Variants in SOCS3 observed in about 807,000 individuals in gnomAD.
SOCS3 encodes the protein suppressor of cytokine signaling 3.
In SOCS3, 5 loss-of-function variants were observed where a neutral mutation model predicts 11.7. The observed-to-expected ratio is 0.43, with a 90% CI of 0.22 to 0.90. The LOEUF is 0.90. SOCS3 is among the 40% of genes least tolerant of loss of function. The pLI is 0.27. For missense variants in SOCS3, 203 were observed against 302.0 expected (o/e 0.67, Z 2.43); for synonymous variants, 143 against 136.3 (o/e 1.05, Z -0.34).
rs149892338 is a variant in SOCS3 at position 78,358,514 on chromosome 17, C to T, written c.582G>A (p.Arg194=). 803 of 1,613,444 alleles carry T rather than the reference C, an allele frequency of 5.0e-4. 5 individuals are homozygous for T. The highest frequency in any genetic ancestry group is 2.9e-4 in the South Asian group (26 of 91,062). The change falls in exon 2 of 2, where the codon CGG becomes CGA. Residue 194 remains arginine, a synonymous_variant. Transcript: ENST00000330871. The surrounding 1 kb of genome is among the most constrained non-coding windows in gnomAD (Gnocchi z 4.7). ...AGTCCAGGTGGCCGTTGACGGTCTT[C>T]CGACAGAGATGCTGAAGAGTGGCCA... is the stretch of plus-strand genomic sequence containing the variant. ...SNVATLQHLC[R]KTVNGHLDSY...
At position 78,358,662 on chromosome 17, in the gene SOCS3, G is replaced by C; in HGVS notation, c.434C>G (p.Ser145Cys). The stretch of plus-strand genomic sequence containing the variant: ...GGCAGACGGCTGCTCGGGCACCTCG[G>C]AGGAGGGTTCAGTAGGTGGCGAGGG... Reference protein sequence around the residue: ...SFPSPPTEPSSEVPEQPSAQP... With the variant: ...SFPSPPTEPSCEVPEQPSAQP... The change falls in exon 2 of 2, where the codon TCC becomes TGC. Residue 145 changes from serine (S) to cysteine (C), a missense_variant. Around this residue, in one of 3 missense-constraint regions of SOCS3, gnomAD observed 141 missense variants for 200.5 expected, o/e 0.70. Transcript: ENST00000330871. The surrounding 1 kb of genome is among the most constrained non-coding windows in gnomAD (Gnocchi z 4.7). The C allele has an allele frequency of 6.2e-7, 1 of 1,606,740 alleles. No individual in the cohort carries two copies.
At chr17:78,360,249 G>C (rs986957362), upstream of SOCS3, among the ~76,000 whole-genome samples, 6 of 150,852 alleles carry the variant, frequency 4.0e-5, no homozygotes, top group Admixed American at 4.0e-4. The surrounding 1 kb of genome is among the most constrained non-coding windows in gnomAD (Gnocchi z 5.6). Context: ...GCCGCGAGCA[G>C]GGGCAGGGAC....
chr17:78,360,068 A>C lies in SOCS3; in HGVS notation c.-407T>G. Reference sequence around the variant, plus strand: ...CGGCAGCAGCGGAGCAGGGAGTCCAAGTCGGAGCCGCCGCGGAGGCCGCGC... The same window carrying C: ...CGGCAGCAGCGGAGCAGGGAGTCCACGTCGGAGCCGCCGCGGAGGCCGCGC... On this transcript the variant is annotated 5_prime_UTR_variant, in exon 1 of 2. Coordinates refer to ENST00000330871, the MANE Select transcript of SOCS3 (RefSeq NM_003955.5). This position sits in a 1 kb window ranked among gnomAD's most constrained non-coding sequence, Gnocchi z 5.6. 5.5e-6 allele frequency: 1 copy of C among 181,062 alleles called. No individual in the cohort carries two copies. Among genetic ancestry groups the C allele is most frequent in the East Asian group, 1.2e-4 (1 of 8,656 alleles). The allele number at this position is 181,062 out of a possible 1,614,324, so 11.2% of individuals were successfully genotyped here.
rs1194998092 is a variant in SOCS3, at chr17:78,358,651, C to T, written c.445G>A (p.Glu149Lys). 3 of 1,604,952 alleles carry T rather than the reference C, an allele frequency of 1.9e-6. No individual in the cohort carries two copies. Among genetic ancestry groups the T allele is most frequent in the Admixed American group, 1.7e-5 (1 of 59,802 alleles). Residue 149 changes from glutamate to lysine, a missense_variant, in exon 2 of 2, where the codon GAG becomes AAG. Around this residue, in one of 3 missense-constraint regions of SOCS3, gnomAD observed 141 missense variants for 200.5 expected, o/e 0.70. Transcript: ENST00000330871. The surrounding 1 kb of genome is among the most constrained non-coding windows in gnomAD (Gnocchi z 4.7). Reference protein sequence around the residue: ...PPTEPSSEVPEQPSAQPLPGS... With the variant: ...PPTEPSSEVPKQPSAQPLPGS... ...GGGAGTGGCTGGGCAGACGGCTGCT[C>T]GGGCACCTCGGAGGAGGGTTCAGTA... is the stretch of plus-strand genomic sequence containing the variant.
intron 1 of SOCS3, 83 bp from the exon 2 acceptor site, chr17:78,359,266 G>C: frequency 1.6e-6 from 1 of 607,864 alleles, no homozygotes; most frequent in South Asian, 3.0e-5. Flanking sequence ...TGCCTTCGCC[G>C]AGCGACTGGG....
rs750475070 is a variant in SOCS3, at chr17:78,358,406, GC to G, written c.*11del. ...CCCTCTCCCGACCCATGCCCTTTGC[GC>G]CCTTTACCCCTTAAAGCGGGGCATC... On this transcript the variant is annotated 3_prime_UTR_variant, in exon 2 of 2. Transcript: ENST00000330871. The surrounding 1 kb of genome is among the most constrained non-coding windows in gnomAD (Gnocchi z 4.7). 3.7e-6 allele frequency: 6 copies of G among 1,613,272 alleles called. No individual in the cohort carries two copies. The Admixed American group carries it at 1.0e-4, about 27-fold the overall frequency.
At chr17:78,360,083 G>T (rs902591512), upstream of SOCS3, 5 of 177,388 alleles carry the variant, frequency 2.8e-5, no homozygotes. The surrounding 1 kb of genome is among the most constrained non-coding windows in gnomAD (Gnocchi z 5.6). Context: ...GAGCCGCCGC[G>T]GAGGCCGCGC....
In SOCS3 at chr17:78,358,705, G is replaced by A. The variant is rs888226544; in HGVS notation, c.391C>T (p.Pro131Ser). Residue 131 changes from proline to serine, a missense_variant, in exon 2 of 2, where the codon CCT becomes TCT. Around this residue, in one of 3 missense-constraint regions of SOCS3, gnomAD observed 141 missense variants for 200.5 expected, o/e 0.70. Coordinates refer to ENST00000330871, the MANE Select transcript of SOCS3 (RefSeq NM_003955.5). This position sits in a 1 kb window ranked among gnomAD's most constrained non-coding sequence, Gnocchi z 4.7. Reference sequence around the variant, plus strand: ...GGCGAGGGGAAGGAGGGGGCTCCAGGGGGCGGCATGTAGTGGTGCACCAGC... The same window carrying A: ...GGCGAGGGGAAGGAGGGGGCTCCAGAGGGCGGCATGTAGTGGTGCACCAGC... ...LKLVHHYMPP[P>S]GAPSFPSPPT... The A allele has an allele frequency of 2.5e-6, 4 of 1,609,046 alleles. No homozygotes were observed. In the African/African-American group the frequency reaches 5.3e-5, roughly 22 times the overall value.
Position 78,358,324 on chromosome 17 carries a change from C to G in SOCS3, c.*94G>C. On this transcript the variant is annotated 3_prime_UTR_variant, in exon 2 of 2. Coordinates refer to ENST00000330871, the MANE Select transcript of SOCS3 (RefSeq NM_003955.5). The surrounding 1 kb of genome is among the most constrained non-coding windows in gnomAD (Gnocchi z 4.7). ...TTTCCCCCCAGAGCTACAGGACTCT[C>G]TCCTGGTTGGCTTCTTGTGCTTGTG... The G allele has an allele frequency of 1.6e-6, 2 of 1,229,072 alleles. No homozygotes were observed. The highest frequency in any genetic ancestry group is 4.8e-5 in the East Asian group (2 of 41,982). 76.1% of individuals were successfully genotyped at this position (1,229,072 alleles called of 1,614,324 possible). A position where few individuals can be genotyped will look rare whatever the true frequency, so the allele number is the denominator to read the frequency against.
chr17:78,356,952 A>T lies in SOCS3; in HGVS notation c.*1466T>A, dbSNP rs1266767922. 1 of 152,488 alleles carries T rather than the reference A, an allele frequency of 6.6e-6. No homozygotes were observed. Among genetic ancestry groups the T allele is most frequent in the African/African-American group, 2.4e-5 (1 of 41,370 alleles). The allele number at this position is 152,488 out of a possible 1,614,324, so 9.4% of individuals were successfully genotyped here. A position where few individuals can be genotyped will look rare whatever the true frequency, so the allele number is the denominator to read the frequency against. On this transcript the variant is annotated 3_prime_UTR_variant, in exon 2 of 2. Coordinates refer to ENST00000330871, the MANE Select transcript of SOCS3 (RefSeq NM_003955.5). This position sits in a 1 kb window ranked among gnomAD's most constrained non-coding sequence, Gnocchi z 6.1. ...GGGGAGGAGAGAGGACTGGAGGTGG[A>T]ATCTTTATAAAAGACAGAGTGATTG...
At position 78,357,073 on chromosome 17, in the gene SOCS3, C is replaced by G. The variant is rs1419700570; in HGVS notation, c.*1345G>C. 6.6e-6 allele frequency: 1 copy of G among 152,234 alleles called. No individual in the cohort carries two copies. Among genetic ancestry groups the G allele is most frequent in the African/African-American group, 2.4e-5 (1 of 41,410 alleles). 9.4% of individuals were successfully genotyped at this position (152,234 alleles called of 1,614,324 possible). On this transcript the variant is annotated 3_prime_UTR_variant, in exon 2 of 2. Transcript: ENST00000330871. This position sits in a 1 kb window ranked among gnomAD's most constrained non-coding sequence, Gnocchi z 7.0. Reference sequence around the variant, plus strand: ...ACAACTGCCCTGTCCAGCCCAATACCTGACACAGAATACTTTGTGTTTGTT... The same window carrying G: ...ACAACTGCCCTGTCCAGCCCAATACGTGACACAGAATACTTTGTGTTTGTT...
In SOCS3 at chr17:78,358,577, C is replaced by T; in HGVS notation, c.519G>A (p.Lys173=). The T allele has an allele frequency of 6.2e-7, 1 of 1,613,058 alleles. No homozygotes were observed. The highest frequency in any genetic ancestry group is 8.5e-7 in the Non-Finnish European group (1 of 1,179,894). ...GGGGCCGGCTCAACACCAGGGGGAT[C>T]TTCTCGCCCCCGGAGTAGATGTAAT... ...RAYYIYSGGE[K]IPLVLSRPLS... is the part of the protein sequence containing the mutation. The change falls in exon 2 of 2, where the codon AAG becomes AAA. Residue 173 remains lysine (K), a synonymous_variant. Transcript: ENST00000330871. This position sits in a 1 kb window ranked among gnomAD's most constrained non-coding sequence, Gnocchi z 4.7.
At chr17:78,359,387 C>T (rs1439842880) in intron 1 of SOCS3, among the ~76,000 whole-genome samples, 2 of 152,118 alleles carry the variant, frequency 1.3e-5, no homozygotes, top group African/African-American at 2.4e-5. Context: ...GCAGCCCCTT[C>T]CCAGGCGCGC....
Position 78,358,241 on chromosome 17 carries a change from C to T in SOCS3, c.*177G>A, listed in dbSNP as rs530623845. On this transcript the variant is annotated 3_prime_UTR_variant, in exon 2 of 2. Coordinates refer to ENST00000330871, the MANE Select transcript of SOCS3 (RefSeq NM_003955.5). This position sits in a 1 kb window ranked among gnomAD's most constrained non-coding sequence, Gnocchi z 4.7. ...ACTCCCCCTTCCCTCCAACACATTC[C>T]AGGTCCGCCTGCCACATTCTGCAGG... 1 of 629,612 alleles carries T rather than the reference C, an allele frequency of 1.6e-6. No individual in the cohort carries two copies. Among genetic ancestry groups the T allele is most frequent in the Admixed American group, 2.9e-5 (1 of 34,460 alleles). 39.0% of individuals were successfully genotyped at this position (629,612 alleles called of 1,614,324 possible).
Position 78,357,373 on chromosome 17 carries a change from C to T in SOCS3, c.*1045G>A, listed in dbSNP as rs925942123. 1 of 152,406 alleles carries T rather than the reference C, an allele frequency of 6.6e-6. No homozygotes were observed. Among genetic ancestry groups the T allele is most frequent in the African/African-American group, 2.4e-5 (1 of 41,424 alleles). The allele number at this position is 152,406 out of a possible 1,614,324, so 9.4% of individuals were successfully genotyped here. ...GGCCAATACTTACTGGGCTGACATT[C>T]CCAGTGCTCAGCTGGGAGGCATGGG... On this transcript the variant is annotated 3_prime_UTR_variant, in exon 2 of 2. Transcript: ENST00000330871. This position sits in a 1 kb window ranked among gnomAD's most constrained non-coding sequence, Gnocchi z 7.0.
At chr17:78,359,515 C>T (rs2081594993) in intron 1 of SOCS3, among the ~76,000 whole-genome samples, 1 of 152,154 alleles carries the variant, frequency 6.6e-6, no homozygotes, top group Admixed American at 6.5e-5. Context: ...AGTCCAGTAG[C>T]CCCGGGCGGT....
chr17:78,359,036 C>T lies in SOCS3; in HGVS notation c.60G>A (p.Leu20=). ...AGMSRPLDTS[L]RLKTFSSKSE... is the part of the protein sequence containing the mutation. ...TCTTGGAGCTGAAGGTCTTGAGGCG[C>T]AGGCTGGTGTCCAGGGGGCGGCTCA... The change falls in exon 2 of 2, where the codon CTG becomes CTA. Residue 20 remains leucine (L), a synonymous_variant. Coordinates refer to ENST00000330871, the MANE Select transcript of SOCS3 (RefSeq NM_003955.5). 1 of 1,573,308 alleles carries T rather than the reference C, an allele frequency of 6.4e-7. No individual in the cohort carries two copies. Among genetic ancestry groups the T allele is most frequent in the Non-Finnish European group, 8.6e-7 (1 of 1,159,074 alleles).
At chr17:78,359,290 C>G in intron 1 of SOCS3, 107 bp from the exon 2 acceptor site, 1 of 490,570 alleles carries the variant, frequency 2.0e-6, no homozygotes, top group Non-Finnish European at 3.4e-6. Context: ...CCCACTGCCC[C>G]GGGGGCCCTC....
chr17:78,360,682 G>A (rs536746003), upstream of SOCS3: 1 of 152,240 alleles, frequency 6.6e-6, no homozygotes, highest in Non-Finnish European at 1.5e-5. The surrounding 1 kb of genome is among the most constrained non-coding windows in gnomAD (Gnocchi z 5.6). Context: ...GGAGACGTGC[G>A]ACAGTCACCT....
Sources: allele counts gnomAD v4.1 joint callset (sites outside exome capture counted in the v4.1 genomes callset), GRCh38; gene constraint gnomAD v4.1.1; regional missense constraint gnomAD v4.1.1; non-coding constraint Gnocchi (gnomAD v3.1); transcripts MANE v1.5; gene names NCBI Gene and HGNC (gene_info 2026-07-23, HGNC 2026-07-21).